The following SEMA4D variants were observed in gnomAD, a reference collection of about 807,000 sequenced individuals.
The protein encoded by SEMA4D is semaphorin-4D.
Under a neutral mutation model 74.8 loss-of-function variants are expected in SEMA4D, and 22 were observed. The ratio of observed to expected loss-of-function variants is 0.29; its 90% confidence interval spans 0.21 to 0.42. The LOEUF is 0.42. Ranked by LOEUF, SEMA4D falls within the 10% of genes least tolerant of loss-of-function variation. The pLI, the probability that SEMA4D is intolerant of heterozygous loss-of-function variation, is 1.00. For missense variants in SEMA4D, 937 were observed against 1,118.4 expected, an observed-to-expected ratio of 0.84 and a Z score of 2.31; for synonymous variants, 445 against 463.7, an observed-to-expected ratio of 0.96 and a Z score of 0.52.
intron 2 of SEMA4D, chr9:89,449,674 C>CT: frequency 6.6e-7 from 1 of 1,509,828 alleles, no homozygotes; most frequent in Non-Finnish European, 9.2e-7. Flanking sequence ...GTGGACGCAT[C>CT]TAGCTCAGGT....
intron 2 of SEMA4D, among the ~76,000 whole-genome samples, chr9:89,411,395 G>A (rs1330104615): frequency 3.9e-5 from 6 of 152,144 alleles, no homozygotes; most frequent in East Asian, 1.9e-4. Context: ...GAGAGGGAAA[G>A]GGAGGGGACA....
At chr9:89,389,225 C>T (rs1294421432) in intron 9 of SEMA4D, among the ~76,000 whole-genome samples, 178 bp from the exon 10 acceptor site, 1 of 152,228 alleles carries the variant, frequency 6.6e-6, no homozygotes, top group East Asian at 1.9e-4. Context: ...GCACCACGTC[C>T]AGGTTCCAGC....
intron 1 of SEMA4D, among the ~76,000 whole-genome samples, chr9:89,473,289 C>T (rs944831073): frequency 1.3e-5 from 2 of 152,050 alleles, no homozygotes; most frequent in Non-Finnish European, 2.9e-5. Flanking sequence ...TAAAAAGGAG[C>T]AAAGGCTGGG....
At chr9:89,403,875 G>T (rs1359509142) in intron 3 of SEMA4D, among the ~76,000 whole-genome samples, 1 of 152,192 alleles carries the variant, frequency 6.6e-6, no homozygotes, top group Admixed American at 6.5e-5. Flanking sequence ...GCTGCAGTAA[G>T]CTATGATTGT....
chr9:89,464,107 G>A (rs1401447389), intron 1 of SEMA4D, among the ~76,000 whole-genome samples: 1 of 151,966 alleles, frequency 6.6e-6, no homozygotes, highest in African/African-American at 2.4e-5. Context: ...TGGAGAGTGT[G>A]ACTCACCTTC....
intron 16 of SEMA4D, chr9:89,368,351 T>C (rs1834009281): frequency 6.5e-6 from 1 of 152,896 alleles, no homozygotes; most frequent in Non-Finnish European, 1.5e-5. Flanking sequence ...CTGTACCCGC[T>C]GCCCGGGCCT....
Position 89,380,125 on chromosome 9 carries a change from C to G in SEMA4D, c.1664-496G>C, listed in dbSNP as rs187043008. Among the ~76,000 whole-genome samples, 6 of 151,924 alleles carry G rather than the reference C, an allele frequency of 3.9e-5. 1 individual carries two copies. Among genetic ancestry groups the G allele is most frequent in the Admixed American group, 1.3e-4 (2 of 15,276 alleles). Reference sequence around the variant, plus strand: ...ACAGCTCACTGCAGCTTCAACCCCCCCAGCTCAAGGGATCTTCCCACCTCA... The same window carrying G: ...ACAGCTCACTGCAGCTTCAACCCCCGCAGCTCAAGGGATCTTCCCACCTCA... On this transcript the variant is annotated intron_variant, in intron 15 of 15. Coordinates refer to ENST00000422704, the MANE Select transcript of SEMA4D (RefSeq NM_001371194.2).
At chr9:89,450,234 G>A (rs1369191258) in intron 2 of SEMA4D, 7 of 1,220,958 alleles carry the variant, frequency 5.7e-6, no homozygotes, top group African/African-American at 1.5e-5. Context: ...AGTATATGCT[G>A]TGGATGTTCT....
intron 1 of SEMA4D, among the ~76,000 whole-genome samples, chr9:89,476,055 C>G (rs956779431): frequency 6.6e-6 from 1 of 152,178 alleles, no homozygotes; most frequent in Non-Finnish European, 1.5e-5. Flanking sequence ...AGCAGAAGGT[C>G]GGCTGAGGTG....
intron 2 of SEMA4D, chr9:89,450,289 C>T (rs189468785): frequency 2.2e-6 from 2 of 928,846 alleles, no homozygotes; most frequent in Non-Finnish European, 3.6e-6. Context: ...GGAGAGAGAA[C>T]CACTATGTAC....
intron 2 of SEMA4D, among the ~76,000 whole-genome samples, chr9:89,436,950 A>G (rs1850564724): frequency 6.6e-6 from 1 of 152,242 alleles, no homozygotes; most frequent in Non-Finnish European, 1.5e-5. Context: ...AAGCAGATGT[A>G]GCCCTGGGCA....
In SEMA4D at chr9:89,450,846, G is replaced by T. The variant is rs1854325704; in HGVS notation, c.-244+5042C>A. 6.7e-6 allele frequency: 4 copies of T among 601,230 alleles called. No homozygotes were observed. In the East Asian group the frequency reaches 8.2e-5, roughly 12 times the overall value. 37.2% of individuals were successfully genotyped at this position (601,230 alleles called of 1,614,324 possible). On this transcript the variant is annotated intron_variant, in intron 2 of 15. Coordinates refer to ENST00000422704, the MANE Select transcript of SEMA4D (RefSeq NM_001371194.2). ...TGAAGTGCAGTTCTTCTCCACCTAGGACTGCCAGCAGAGTGGGGGTGTCCC... is the reference window on the plus strand; with the variant it reads ...TGAAGTGCAGTTCTTCTCCACCTAGTACTGCCAGCAGAGTGGGGGTGTCCC...
intron 16 of SEMA4D, among the ~76,000 whole-genome samples, chr9:89,371,071 G>T (rs1394552893): frequency 8.9e-6 from 1 of 111,980 alleles, no homozygotes; most frequent in African/African-American, 3.4e-5. Context: ...TGTCTGGGGT[G>T]TGGGGTGTGT....
At chr9:89,361,156 A>C (rs1832729770) in exon 19 of SEMA4D, 1 of 152,346 alleles carries the variant, frequency 6.6e-6, no homozygotes, top group African/African-American at 2.4e-5. Context: ...CACACCTCAC[A>C]GGCAGCTGGG....
intron 13 of SEMA4D, among the ~76,000 whole-genome samples, chr9:89,383,899 G>C (rs996834085): frequency 9.9e-5 from 15 of 152,132 alleles, no homozygotes; most frequent in African/African-American, 3.6e-4. Context: ...CTGGGCCTGA[G>C]GATTGTCCCC....
chr9:89,480,032 C>T (rs1283368802), intron 1 of SEMA4D: 5 of 151,966 alleles, frequency 3.3e-5, no homozygotes, highest in African/African-American at 9.7e-5. Flanking sequence ...AGGTTCTCCA[C>T]GTCCCCATCA....
intron 7 of SEMA4D, 62 bp downstream of exon 7, chr9:89,393,500 G>T: frequency 1.5e-6 from 2 of 1,340,952 alleles, no homozygotes; most frequent in Non-Finnish European, 2.1e-6. Context: ...CAAATATCCT[G>T]TTTGGTAATT....
chr9:89,438,678 T>A (rs1418975313), intron 2 of SEMA4D, among the ~76,000 whole-genome samples: 1 of 151,872 alleles, frequency 6.6e-6, no homozygotes, highest in African/African-American at 2.4e-5. Flanking sequence ...CTTTTCTTTT[T>A]TTTTTAAGAC....
In SEMA4D at chr9:89,391,039, A is replaced by C. The variant is rs539657667; in HGVS notation, c.774+225T>G. On this transcript the variant is annotated intron_variant, in intron 9 of 15. Coordinates refer to ENST00000422704, the MANE Select transcript of SEMA4D (RefSeq NM_001371194.2). The stretch of plus-strand genomic sequence containing the variant: ...GTTTGAAGAGGGTGCATTAAAAGAA[A>C]GAACCTCCTGAGAAGAGGAGGCTAA... Among the ~76,000 whole-genome samples, 9 of 152,362 alleles carry C rather than the reference A, an allele frequency of 5.9e-5. No individual in the cohort carries two copies. In the South Asian group the frequency reaches 1.9e-3, roughly 32 times the overall value.
Sources: gnomAD v4.1 joint callset for allele counts (sites outside exome capture counted in the v4.1 genomes callset) on GRCh38, gnomAD v4.1.1 for gene constraint, MANE v1.5 for transcripts, NCBI Gene and HGNC (gene_info 2026-07-23, HGNC 2026-07-21) for gene names.